Variants in VPS26A observed in about 807,000 individuals in gnomAD.
VPS26A encodes vacuolar protein sorting-associated protein 26A.
VPS26A carries 22 observed loss-of-function variants against 42.4 expected under a neutral mutation model. That is an observed-to-expected ratio of 0.52 (90% confidence interval 0.37 to 0.74). VPS26A has a LOEUF of 0.74. Ranked by LOEUF, VPS26A falls within the 30% of genes least tolerant of loss-of-function variation. The probability of loss-of-function intolerance (pLI) is 0.00; values close to 1 mark genes in which losing one functional copy is unlikely to be tolerated. For missense variants in VPS26A, 276 were observed against 379.2 expected, an observed-to-expected ratio of 0.73 and a Z score of 2.26; for synonymous variants, 110 against 123.5, an observed-to-expected ratio of 0.89 and a Z score of 0.73.
chr10:69,165,523 T>TG (rs1352842637), intron 6 of VPS26A, among the ~76,000 whole-genome samples: 1 of 152,108 alleles, frequency 6.6e-6, no homozygotes, highest in Non-Finnish European at 1.5e-5. Context: ...TTGTTTAAAA[T>TG]GTGGCCAGGT....
intron 2 of VPS26A, among the ~76,000 whole-genome samples, chr10:69,142,364 AT>A (rs58499005): frequency 0.72 from 106,222 of 148,106 alleles, 41,575 homozygotes; most frequent in Non-Finnish European, 0.89. Context: ...AATTAAAAAA[AT>A]TTTTTTTTTT....
rs1017868543 is a variant in VPS26A at position 69,134,637 on chromosome 10, G to A, written c.153+1590G>A. ...CATTTCTTTGGTTACTAGATAAATT[G>A]AACTTAGATTTACCAGCCATGTGAG... On this transcript the variant is annotated intron_variant, in intron 2 of 8. Transcript: ENST00000263559. 5.3e-5 allele frequency among the ~76,000 whole-genome samples: 8 copies of A among 151,466 alleles called. No homozygotes were observed. The East Asian group carries it at 1.5e-3, about 29-fold the overall frequency.
At chr10:69,140,108 C>A (rs1841008544) in intron 2 of VPS26A, among the ~76,000 whole-genome samples, 1 of 151,324 alleles carries the variant, frequency 6.6e-6, no homozygotes, top group Non-Finnish European at 1.5e-5. Flanking sequence ...TGCTCTGTTG[C>A]CCAGGCTGGA....
chr10:69,149,756 T>G (rs1282378315), intron 2 of VPS26A, among the ~76,000 whole-genome samples: 1 of 99,754 alleles, frequency 1.0e-5, no homozygotes, highest in African/African-American at 3.5e-5. Context: ...TTTTTTTTTT[T>G]TTTTTTTTGA....
At chr10:69,160,089 G>A (rs145949044) in intron 5 of VPS26A, among the ~76,000 whole-genome samples, 55 of 151,426 alleles carry the variant, frequency 3.6e-4, no homozygotes, top group Middle Eastern at 3.4e-3. Flanking sequence ...TTTAGGACCT[G>A]AAACCACTGA....
chr10:69,127,531 CG>C (rs1426410663), intron 1 of VPS26A, among the ~76,000 whole-genome samples: 1 of 147,938 alleles, frequency 6.8e-6, no homozygotes, highest in Non-Finnish European at 1.5e-5. Flanking sequence ...CCGGCCTGGG[CG>C]AAAGAGCGAG....
intron 2 of VPS26A, among the ~76,000 whole-genome samples, chr10:69,134,939 A>T (rs1346965879): frequency 2.0e-5 from 3 of 152,156 alleles, no homozygotes; most frequent in African/African-American, 7.2e-5. Flanking sequence ...TTTAAAAAAA[A>T]AAAATGGAGA....
intron 2 of VPS26A, among the ~76,000 whole-genome samples, chr10:69,146,418 A>G (rs1242103344): frequency 2.0e-5 from 3 of 152,342 alleles, no homozygotes; most frequent in Non-Finnish European, 4.4e-5. Flanking sequence ...AATTGTGGTC[A>G]AATATATATT....
rs1337038971 is a variant in VPS26A at position 69,173,789 on chromosome 10, C to G, written c.*2520C>G. On this transcript the variant is annotated 3_prime_UTR_variant, in exon 9 of 9. Coordinates refer to ENST00000263559, the MANE Select transcript of VPS26A (RefSeq NM_004896.5). ...CTGAGGCGGGCAGATCACCTGAGTTCCAGGAGTTCGAGACCAGCCTGACCA... is the reference window on the plus strand; with the variant it reads ...CTGAGGCGGGCAGATCACCTGAGTTGCAGGAGTTCGAGACCAGCCTGACCA... Among the ~76,000 whole-genome samples the G allele has an allele frequency of 6.6e-6, 1 of 152,148 alleles. No individual in the cohort carries two copies. Among genetic ancestry groups the G allele is most frequent in the Non-Finnish European group, 1.5e-5 (1 of 68,024 alleles).
chr10:69,158,761 C>T (rs1035235956), intron 5 of VPS26A, among the ~76,000 whole-genome samples: 6 of 151,992 alleles, frequency 3.9e-5, no homozygotes, highest in Non-Finnish European at 5.9e-5. Flanking sequence ...TACCCATTGC[C>T]CAGCTCCAAC....
At chr10:69,167,742 CAAAAAAA>C (rs35974356) in intron 7 of VPS26A, among the ~76,000 whole-genome samples, 14 of 66,326 alleles carry the variant, frequency 2.1e-4, no homozygotes, top group African/African-American at 8.1e-4. Context: ...GACTCCATCT[CAAAAAAA>C]AAAAAAAAAA....
At chr10:69,165,958 A>G in intron 6 of VPS26A, 84 bp from the exon 7 acceptor site, 1 of 1,338,166 alleles carries the variant, frequency 7.5e-7, no homozygotes, top group East Asian at 2.4e-5. Context: ...AAAAAAAATA[A>G]TGTAGTGGAA....
At chr10:69,148,754 ATTTT>A (rs34136399) in intron 2 of VPS26A, among the ~76,000 whole-genome samples, 4 of 133,738 alleles carry the variant, frequency 3.0e-5, no homozygotes. Context: ...AGCAGAGAGT[ATTTT>A]TTTTTTTTTT....
At chr10:69,144,777 G>C (rs1387275222) in intron 2 of VPS26A, among the ~76,000 whole-genome samples, 2 of 150,902 alleles carry the variant, frequency 1.3e-5, no homozygotes, top group Non-Finnish European at 2.9e-5. Context: ...TCTTGATAAA[G>C]GTGTTTTATA....
intron 5 of VPS26A, among the ~76,000 whole-genome samples, chr10:69,160,043 T>C (rs2132229972): frequency 6.6e-6 from 1 of 152,208 alleles, no homozygotes; most frequent in East Asian, 1.9e-4. Context: ...GACTTCAGAA[T>C]CTTAAAATTA....
intron 2 of VPS26A, among the ~76,000 whole-genome samples, chr10:69,135,718 A>G (rs537543549): frequency 2.0e-5 from 3 of 152,336 alleles, no homozygotes; most frequent in East Asian, 1.9e-4. Context: ...AAGTTACTAT[A>G]TCTTGAATCT....
chr10:69,170,744 A>G (rs898511753), intron 8 of VPS26A, among the ~76,000 whole-genome samples: 9 of 152,206 alleles, frequency 5.9e-5, no homozygotes, highest in African/African-American at 9.6e-5. Context: ...AATCCAAGCA[A>G]TGTGCTGGAG....
At chr10:69,155,055 G>A (rs6480389) in intron 2 of VPS26A, among the ~76,000 whole-genome samples, 6,334 of 152,084 alleles carry the variant, frequency 0.042, 463 homozygotes, top group African/African-American at 0.14. Context: ...GAGGCTGAGG[G>A]AGGAGGATCA....
At chr10:69,140,775 A>G (rs7092065) in intron 2 of VPS26A, among the ~76,000 whole-genome samples, 6,344 of 152,172 alleles carry the variant, frequency 0.042, 464 homozygotes, top group African/African-American at 0.14. Flanking sequence ...TGAGTGTTCT[A>G]ATATTATTGG....
Sources: gnomAD v4.1 joint callset for allele counts (sites outside exome capture counted in the v4.1 genomes callset) on GRCh38, gnomAD v4.1.1 for gene constraint, MANE v1.5 for transcripts, NCBI Gene and HGNC (gene_info 2026-07-23, HGNC 2026-07-21) for gene names.